Variants in C14orf39 observed in about 807,000 individuals in gnomAD.
The protein encoded by C14orf39 is chromosome 14 open reading frame 39.
A neutral mutation model predicts 85.6 loss-of-function variants in C14orf39; 66 were observed. The ratio of observed to expected loss-of-function variants is 0.77; its 90% CI spans 0.63 to 0.95. The LOEUF (loss-of-function observed/expected upper bound fraction) is 0.95, where lower values mean the gene tolerates loss of function less well. Ranked by LOEUF, C14orf39 falls within the 40% of genes least tolerant of loss-of-function variation. The probability of loss-of-function intolerance (pLI) is 0.00; values close to 1 mark genes in which losing one functional copy is unlikely to be tolerated. For synonymous variants in C14orf39, 242 were observed against 214.0 expected, an observed-to-expected ratio of 1.13 and a Z score of -1.14; for missense variants, 735 against 663.9, an observed-to-expected ratio of 1.11 and a Z score of -1.18.
intron 1 of C14orf39, among the ~76,000 whole-genome samples, chr14:60,504,132 G>A (rs555658550): frequency 6.6e-6 from 1 of 152,290 alleles, no homozygotes; most frequent in African/African-American, 2.4e-5. Context: ...ACAGCGGGAG[G>A]GAAACAAAAT....
intron 1 of C14orf39, among the ~76,000 whole-genome samples, chr14:60,513,272 G>A (rs527679749): frequency 9.2e-5 from 14 of 152,260 alleles, no homozygotes; most frequent in African/African-American, 3.4e-4. Flanking sequence ...CCCTCCTGTG[G>A]GTCCTGAAAG....
intron 1 of C14orf39, among the ~76,000 whole-genome samples, chr14:60,506,064 C>G (rs988531618): frequency 1.3e-5 from 2 of 152,142 alleles, no homozygotes; most frequent in African/African-American, 4.8e-5. Context: ...TGATTTTTTT[C>G]TCCATATTTG....
At chr14:60,475,237 G>A (rs555348525) in intron 5 of C14orf39, among the ~76,000 whole-genome samples, 192 of 152,038 alleles carry the variant, frequency 1.3e-3, no homozygotes, top group African/African-American at 4.3e-3. Context: ...CTGTGGGATC[G>A]GTGGTGATAT....
At chr14:60,497,306 T>C (rs1337573300) in intron 2 of C14orf39, among the ~76,000 whole-genome samples, 1 of 152,208 alleles carries the variant, frequency 6.6e-6, no homozygotes, top group Non-Finnish European at 1.5e-5. Flanking sequence ...ATTAACACAG[T>C]TTTAATTCTC....
At chr14:60,451,908 C>A (rs1891053219) in intron 16 of C14orf39, among the ~76,000 whole-genome samples, 1 of 151,798 alleles carries the variant, frequency 6.6e-6, no homozygotes, top group Non-Finnish European at 1.5e-5. Flanking sequence ...TCAGGCTGGG[C>A]ATGGTGGCTC....
intron 11 of C14orf39, 102 bp downstream of exon 11, chr14:60,465,851 AACACACACACACACACACACACACAC>A (rs10529202): frequency 4.8e-4 from 198 of 412,944 alleles, no homozygotes; most frequent in Non-Finnish European, 6.7e-4. Flanking sequence ...ATAAATTTAT[AACACACACACACACACACACACACAC>A]ACACACACAC....
At chr14:60,509,186 G>T in intron 1 of C14orf39, 1 of 589,858 alleles carries the variant, frequency 1.7e-6, no homozygotes, top group Non-Finnish European at 3.0e-6. Flanking sequence ...CCTGAGCCGA[G>T]CCGAGCCCGA....
At chr14:60,440,897 T>C (rs1890480123) in intron 17 of C14orf39, among the ~76,000 whole-genome samples, 1 of 152,194 alleles carries the variant, frequency 6.6e-6, no homozygotes, top group Admixed American at 6.5e-5. Context: ...AGCTTGTATA[T>C]GCACCTCCTT....
intron 1 of C14orf39, chr14:60,511,343 T>G (rs1277428437): frequency 1.4e-6 from 2 of 1,461,588 alleles, no homozygotes; most frequent in African/African-American, 1.4e-5. Context: ...GACCTGCAAA[T>G]CCAGCGCCAC....
At chr14:60,485,617 C>A (rs568602589) in intron 1 of C14orf39, among the ~76,000 whole-genome samples, 2 of 152,340 alleles carry the variant, frequency 1.3e-5, no homozygotes, top group South Asian at 4.1e-4. Context: ...CGCATTACGG[C>A]ATACGCCTGA....
At chr14:60,462,648 T>C (rs1283124321) in intron 11 of C14orf39, among the ~76,000 whole-genome samples, 1 of 152,178 alleles carries the variant, frequency 6.6e-6, no homozygotes, top group Non-Finnish European at 1.5e-5. Context: ...CAAGTGATGC[T>C]ACTGTTTTGA....
At chr14:60,482,794 C>T (rs1412031807) in intron 4 of C14orf39, among the ~76,000 whole-genome samples, 1 of 151,798 alleles carries the variant, frequency 6.6e-6, no homozygotes, top group African/African-American at 2.4e-5. Context: ...GTACCATTTA[C>T]ATTAGGTATT....
At chr14:60,502,576 T>A (rs1893161481) in intron 1 of C14orf39, among the ~76,000 whole-genome samples, 1 of 152,124 alleles carries the variant, frequency 6.6e-6, no homozygotes, top group Non-Finnish European at 1.5e-5. Flanking sequence ...TAATAACAGA[T>A]AAAACACTAA....
intron 16 of C14orf39, among the ~76,000 whole-genome samples, chr14:60,452,031 A>C (rs1035580274): frequency 2.0e-5 from 3 of 151,432 alleles, no homozygotes; most frequent in Admixed American, 6.6e-5. Context: ...AGTACAAAAA[A>C]AAAAAATTAG....
chr14:60,446,402 C>G (rs1357033502), intron 16 of C14orf39, among the ~76,000 whole-genome samples: 2 of 152,212 alleles, frequency 1.3e-5, no homozygotes, highest in Non-Finnish European at 2.9e-5. Flanking sequence ...AAAGTACCAT[C>G]AGAGAATACT....
At chr14:60,511,339 C>T in intron 1 of C14orf39, 2 of 1,471,080 alleles carry the variant, frequency 1.4e-6, no homozygotes, top group South Asian at 2.3e-5. Context: ...GAGAGACCTG[C>T]AAATCCAGCG....
At chr14:60,454,597 T>A (rs1415141027) in intron 16 of C14orf39, among the ~76,000 whole-genome samples, 2 of 152,048 alleles carry the variant, frequency 1.3e-5, no homozygotes, top group Non-Finnish European at 1.5e-5. Flanking sequence ...TAGAAACCAA[T>A]ATTAGGTCTT....
At chr14:60,511,106 C>G (rs1445777026) in intron 1 of C14orf39, 1 of 1,612,914 alleles carries the variant, frequency 6.2e-7, no homozygotes. Context: ...GGTCCTGTCA[C>G]AGGGTTCCGG....
chr14:60,514,481 CCA>C (rs1893334268), intron 1 of C14orf39, among the ~76,000 whole-genome samples: 1 of 152,242 alleles, frequency 6.6e-6, no homozygotes, highest in Non-Finnish European at 1.5e-5. Context: ...CAACCACACT[CCA>C]GTTTCACCAA....
Sources: gnomAD v4.1 joint callset for allele counts (sites outside exome capture counted in the v4.1 genomes callset) on GRCh38, gnomAD v4.1.1 for gene constraint, MANE v1.5 for transcripts, NCBI Gene and HGNC (gene_info 2026-07-23, HGNC 2026-07-21) for gene names.